MTCL1: variants seen among roughly 807,000 people sequenced by gnomAD.
MTCL1 encodes microtubule cross-linking factor 1.
In MTCL1, 79 loss-of-function variants were observed where a neutral mutation model predicts 141.4. That is an observed-to-expected ratio of 0.56 (90% CI 0.47 to 0.67). The LOEUF (loss-of-function observed/expected upper bound fraction) is 0.67. MTCL1 is among the 30% of genes least tolerant of loss of function. The probability of loss-of-function intolerance (pLI) is 0.00; values close to 1 mark genes in which losing one functional copy is unlikely to be tolerated. For missense variants in MTCL1, 2,177 were observed against 2,113.9 expected (o/e 1.03, Z -0.59); for synonymous variants, 914 against 875.8 (o/e 1.04, Z -0.77).
chr18:8,769,084 C>T (rs188018485), intron 4 of MTCL1, among the ~76,000 whole-genome samples: 247 of 152,276 alleles, frequency 1.6e-3, no homozygotes, highest in African/African-American at 5.8e-3. Context: ...CATGAGCCAG[C>T]GCGCCTGGCC....
chr18:8,706,676 A>T (rs2096059535), exon 1 of MTCL1: 6 of 1,545,990 alleles, frequency 3.9e-6, no homozygotes, highest in Non-Finnish European at 5.2e-6. Context: ...CTGCTGCGGG[A>T]GATGGAGGAG....
intron 4 of MTCL1, among the ~76,000 whole-genome samples, chr18:8,751,913 C>T (rs566102122): frequency 2.0e-5 from 3 of 152,276 alleles, no homozygotes; most frequent in African/African-American, 7.2e-5. Context: ...GGAAAAGAAA[C>T]GTTTAAGGCC....
intron 4 of MTCL1, among the ~76,000 whole-genome samples, chr18:8,735,572 G>A (rs1246490045): frequency 6.6e-6 from 1 of 152,154 alleles, no homozygotes; most frequent in East Asian, 1.9e-4. Context: ...TAAAGGAGGA[G>A]GTTCAGGGGA....
At chr18:8,750,892 G>A (rs1020607954) in intron 4 of MTCL1, among the ~76,000 whole-genome samples, 5 of 152,194 alleles carry the variant, frequency 3.3e-5, no homozygotes, top group African/African-American at 1.2e-4. Flanking sequence ...ATAGCTGGGA[G>A]TGAGGCCTGC....
intron 4 of MTCL1, among the ~76,000 whole-genome samples, chr18:8,758,020 CTTTTT>C (rs1162855433): frequency 3.9e-5 from 5 of 126,906 alleles, no homozygotes; most frequent in Non-Finnish European, 5.1e-5. Flanking sequence ...AGCACCCAGT[CTTTTT>C]TTTTTTTTTT....
At chr18:8,743,168 C>T (rs932872836) in intron 4 of MTCL1, among the ~76,000 whole-genome samples, 1 of 152,236 alleles carries the variant, frequency 6.6e-6, no homozygotes, top group South Asian at 2.1e-4. Context: ...TGATAGTTTC[C>T]TGTTCCTTAG....
At chr18:8,785,657 T>G in intron 6 of MTCL1, 1 of 444,010 alleles carries the variant, frequency 2.3e-6, no homozygotes, top group Non-Finnish European at 4.0e-6. Context: ...TAACCAGTGT[T>G]TTGCACCCCC....
At chr18:8,781,843 G>T (rs989606781) in intron 5 of MTCL1, among the ~76,000 whole-genome samples, 77 of 152,174 alleles carry the variant, frequency 5.1e-4, no homozygotes, top group Non-Finnish European at 1.5e-4. Context: ...AGTCCAGCAG[G>T]CCTGGTTTTG....
At chr18:8,798,417 C>T (rs903910846) in intron 10 of MTCL1, 126 bp downstream of exon 9, 3 of 755,062 alleles carry the variant, frequency 4.0e-6, no homozygotes, top group Non-Finnish European at 3.9e-6. Flanking sequence ...CGCCTGACTG[C>T]GGTCACCTGT....
upstream of MTCL1, among the ~76,000 whole-genome samples, chr18:8,713,140 A>G (rs1017208117): frequency 2.7e-4 from 41 of 152,206 alleles, 1 homozygote; most frequent in African/African-American, 9.6e-4. Context: ...AATTTGAGAT[A>G]CATGATAAGG....
exon 15 of MTCL1, chr18:8,824,889 G>C (rs1423654576): frequency 5.0e-6 from 8 of 1,613,794 alleles, no homozygotes; most frequent in Non-Finnish European, 6.8e-6. Context: ...CCACAATGGT[G>C]GGGGGCCGGA....
chr18:8,829,454 T>C, intron 16 of MTCL1: 1 of 968,652 alleles, frequency 1.0e-6, no homozygotes. Context: ...TGAACCCAAA[T>C]ATATCTTGTC....
At chr18:8,785,249 A>G (rs1161002587) in intron 6 of MTCL1, among the ~76,000 whole-genome samples, 1 of 152,088 alleles carries the variant, frequency 6.6e-6, no homozygotes, top group Non-Finnish European at 1.5e-5. Context: ...AACGCATGTC[A>G]CAGTCAGGAT....
At chr18:8,785,311 A>G (rs2096548471) in intron 6 of MTCL1, among the ~76,000 whole-genome samples, 3 of 152,176 alleles carry the variant, frequency 2.0e-5, no homozygotes, top group Admixed American at 2.0e-4. Flanking sequence ...GTTTCAAGGG[A>G]CACAGTGCAG....
At chr18:8,790,989 T>TG in intron 7 of MTCL1, among the ~76,000 whole-genome samples, 1 of 152,274 alleles carries the variant, frequency 6.6e-6, no homozygotes, top group Admixed American at 6.5e-5. Context: ...CACTCCAGCC[T>TG]GGGCGACAGA....
intron 12 of MTCL1, 92 bp from the exon 12 acceptor site, chr18:8,818,871 G>A: frequency 1.6e-6 from 2 of 1,286,878 alleles, no homozygotes; most frequent in Non-Finnish European, 2.2e-6. Flanking sequence ...ACTGACCTAT[G>A]TGTAATTGCA....
In MTCL1 at chr18:8,828,425, C is replaced by G; in HGVS notation, c.4723-483C>G. ...AGAAAGAATCTGAAAATGGAATGCT[C>G]TTCCTCCCTCCCCTAAGTGGAAAAT... is the stretch of plus-strand genomic sequence containing the variant. On this transcript the variant is annotated intron_variant, in intron 15 of 16. Coordinates refer to ENST00000359865, the Ensembl canonical transcript of MTCL1. This position sits in a 1 kb window ranked among gnomAD's most constrained non-coding sequence, Gnocchi z 5.2. Among the ~76,000 whole-genome samples the G allele has an allele frequency of 6.6e-6, 1 of 152,206 alleles. No individual in the cohort carries two copies. Among genetic ancestry groups the G allele is most frequent in the Non-Finnish European group, 1.5e-5 (1 of 68,046 alleles).
chr18:8,831,856 C>T (rs1234204377), exon 17 of MTCL1: 2 of 1,536,752 alleles, frequency 1.3e-6, no homozygotes, highest in African/African-American at 1.4e-5. Context: ...ATAACCACAC[C>T]ATCACCATGA....
chr18:8,737,549 G>A (rs2096280559), intron 4 of MTCL1, among the ~76,000 whole-genome samples: 1 of 152,186 alleles, frequency 6.6e-6, no homozygotes, highest in Non-Finnish European at 1.5e-5. Context: ...GATAGCAAGT[G>A]AAATGAGCAG....
Sources: allele counts gnomAD v4.1 joint callset (sites outside exome capture counted in the v4.1 genomes callset), GRCh38; gene constraint gnomAD v4.1.1; non-coding constraint Gnocchi (gnomAD v3.1); transcripts MANE v1.5; gene names NCBI Gene and HGNC (gene_info 2026-07-23, HGNC 2026-07-21).